The following CTNNA3 variants were observed in gnomAD, a reference collection of about 807,000 sequenced individuals.
CTNNA3 encodes the protein catenin alpha-3.
Under a neutral mutation model 95.7 loss-of-function variants are expected in CTNNA3, and 76 were observed. The ratio of observed to expected loss-of-function variants is 0.79; its 90% CI spans 0.66 to 0.96. The LOEUF is 0.96. Among genes scored for constraint, CTNNA3 ranks in the 40% least tolerant of loss-of-function variants. The pLI is 0.00. For missense variants in CTNNA3, 1,191 were observed against 1,089.8 expected, an observed-to-expected ratio of 1.09 and a Z score of -1.31; for synonymous variants, 431 against 374.4, an observed-to-expected ratio of 1.15 and a Z score of -1.74.
intron 3 of CTNNA3, among the ~76,000 whole-genome samples, chr10:67,582,867 GACTAGGATTGCA>G (rs1842460584): frequency 6.6e-6 from 1 of 151,920 alleles, no homozygotes; most frequent in African/African-American, 2.4e-5. Flanking sequence ...TTTTATTAGA[GACTAGGATTGCA>G]ACCCCTGCCT....
chr10:66,432,435 G>C (rs1156871302), intron 11 of CTNNA3, among the ~76,000 whole-genome samples: 1 of 152,150 alleles, frequency 6.6e-6, no homozygotes, highest in Non-Finnish European at 1.5e-5. Context: ...AAGGCAGGTG[G>C]ATCACGAGGT....
At chr10:67,445,244 AG>A (rs1846699668) in intron 5 of CTNNA3, among the ~76,000 whole-genome samples, 1 of 152,088 alleles carries the variant, frequency 6.6e-6, no homozygotes, top group South Asian at 2.1e-4. Flanking sequence ...ATAACACCAA[AG>A]AAAAGCAACT....
At chr10:66,459,321 A>T (rs2131843302) in intron 11 of CTNNA3, among the ~76,000 whole-genome samples, 1 of 152,270 alleles carries the variant, frequency 6.6e-6, no homozygotes, top group East Asian at 1.9e-4. Context: ...TGTGTAGCTA[A>T]GTTTTGAGGG....
At chr10:66,075,843 T>C (rs1531477) in intron 14 of CTNNA3, among the ~76,000 whole-genome samples, 4,679 of 151,852 alleles carry the variant, frequency 0.031, 97 homozygotes, top group Admixed American at 0.061. Flanking sequence ...CCACAATTTT[T>C]TTTTTGGCTT....
chr10:67,484,759 C>T (rs1444197497), intron 5 of CTNNA3, among the ~76,000 whole-genome samples: 2 of 152,028 alleles, frequency 1.3e-5, no homozygotes, highest in Non-Finnish European at 2.9e-5. Flanking sequence ...GGGACACCAC[C>T]TCACAGAATG....
chr10:67,655,770 G>T, intron 1 of CTNNA3, among the ~76,000 whole-genome samples: 1 of 141,020 alleles, frequency 7.1e-6, no homozygotes. Context: ...GAAACAGAGC[G>T]AGACTCCGTC....
intron 9 of CTNNA3, among the ~76,000 whole-genome samples, chr10:66,669,189 T>C (rs1589100114): frequency 6.6e-6 from 1 of 152,134 alleles, no homozygotes; most frequent in African/African-American, 2.4e-5. Flanking sequence ...AAGGCCTTTT[T>C]GTATAGCTAA....
intron 6 of CTNNA3, among the ~76,000 whole-genome samples, chr10:67,216,987 T>C (rs1274364829): frequency 6.6e-6 from 1 of 152,198 alleles, no homozygotes; most frequent in African/African-American, 2.4e-5. Flanking sequence ...CAGTATAGTG[T>C]TCCAATTCAA....
chr10:65,985,878 T>G (rs1040137528), intron 16 of CTNNA3, among the ~76,000 whole-genome samples: 6 of 151,552 alleles, frequency 4.0e-5, no homozygotes, highest in Non-Finnish European at 1.5e-5. Context: ...AAGAAAAACC[T>G]TTCTTTGTGT....
chr10:66,255,517 T>A (rs2090733716), intron 13 of CTNNA3, among the ~76,000 whole-genome samples: 2 of 152,164 alleles, frequency 1.3e-5, no homozygotes, highest in Admixed American at 6.5e-5. Context: ...TCCAAAGAAC[T>A]TCTTCTCTAC....
intron 1 of CTNNA3, among the ~76,000 whole-genome samples, chr10:67,703,640 C>T (rs1173470410): frequency 6.6e-6 from 1 of 152,004 alleles, no homozygotes. Context: ...ATAATAAGAG[C>T]TATCTATGAC....
chr10:66,045,347 T>G (rs1439232760), intron 15 of CTNNA3, among the ~76,000 whole-genome samples: 4 of 152,170 alleles, frequency 2.6e-5, no homozygotes, highest in Non-Finnish European at 5.9e-5. Context: ...AAATATTGTG[T>G]CTCTTTTGCT....
At chr10:65,941,692 C>G (rs988818849) in intron 17 of CTNNA3, among the ~76,000 whole-genome samples, 8 of 152,268 alleles carry the variant, frequency 5.3e-5, no homozygotes, top group Non-Finnish European at 1.0e-4. Context: ...TGCTCCCTCC[C>G]CCATTTCATA....
intron 10 of CTNNA3, among the ~76,000 whole-genome samples, chr10:66,560,808 C>G (rs544538672): frequency 2.0e-5 from 3 of 151,918 alleles, no homozygotes; most frequent in Admixed American, 6.6e-5. Context: ...ATTCATGCGT[C>G]TATAAAAAAA....
At chr10:67,537,004 G>A (rs1253702222) in intron 4 of CTNNA3, among the ~76,000 whole-genome samples, 2 of 152,016 alleles carry the variant, frequency 1.3e-5, no homozygotes, top group East Asian at 1.9e-4. Context: ...AAACTATCAC[G>A]ATTTACCACA....
intron 7 of CTNNA3, among the ~76,000 whole-genome samples, chr10:67,005,870 G>C (rs1851955927): frequency 6.6e-6 from 1 of 151,330 alleles, no homozygotes; most frequent in Admixed American, 6.6e-5. Context: ...ATTTTTAGTA[G>C]AGGCAGGGTA....
intron 7 of CTNNA3, among the ~76,000 whole-genome samples, chr10:66,915,723 T>C (rs191898277): frequency 0.011 from 1,554 of 147,338 alleles, 32 homozygotes; most frequent in African/African-American, 0.035. Flanking sequence ...TATATATATA[T>C]ACACACACAC....
chr10:66,458,190 A>AATC (rs745364828), intron 11 of CTNNA3, among the ~76,000 whole-genome samples: 4 of 152,188 alleles, frequency 2.6e-5, no homozygotes, highest in Non-Finnish European at 5.9e-5. Flanking sequence ...GCTCTATTAT[A>AATC]ATCACACAAA....
At chr10:67,652,515 T>C (rs1223601535) in intron 1 of CTNNA3, among the ~76,000 whole-genome samples, 1 of 152,198 alleles carries the variant, frequency 6.6e-6, no homozygotes, top group African/African-American at 2.4e-5. Context: ...TAATTAAACA[T>C]TTTATTAGGT....
Sources: gnomAD v4.1 joint callset for allele counts (sites outside exome capture counted in the v4.1 genomes callset) on GRCh38, gnomAD v4.1.1 for gene constraint, MANE v1.5 for transcripts, NCBI Gene and HGNC (gene_info 2026-07-23, HGNC 2026-07-21) for gene names.